Variants in RPRD2 observed in about 807,000 individuals in gnomAD.
RPRD2 encodes the protein regulation of nuclear pre-mRNA domain-containing protein 2.
RPRD2 carries 12 observed loss-of-function variants against 104.4 expected under a neutral mutation model. The ratio of observed to expected loss-of-function variants is 0.11; its 90% CI spans 0.07 to 0.19. RPRD2 has a LOEUF of 0.19. Among genes scored for constraint, RPRD2 ranks in the 10% least tolerant of loss-of-function variants. The probability of loss-of-function intolerance (pLI) is 1.00; values close to 1 mark genes in which losing one functional copy is unlikely to be tolerated. For synonymous variants in RPRD2, 714 were observed against 684.9 expected (o/e 1.04, Z -0.66); for missense variants, 1,543 against 1,790.1 (o/e 0.86, Z 2.49).
intron 9 of RPRD2, among the ~76,000 whole-genome samples, chr1:150,462,370 A>G (rs1400386509): frequency 6.6e-6 from 1 of 151,704 alleles, no homozygotes; most frequent in Non-Finnish European, 1.5e-5. Context: ...ATTTGAACCC[A>G]GAAGGCAGAG....
At chr1:150,417,490 A>G (rs75596396) in intron 1 of RPRD2, 106 bp from the exon 2 acceptor site, 1 of 774,220 alleles carries the variant, frequency 1.3e-6, no homozygotes, top group East Asian at 3.0e-5. Context: ...CCATGTAAGA[A>G]AAAAAAAATA....
rs749819615 is a variant in RPRD2 at position 150,471,278 on chromosome 1, G to GCTA, written c.2332_2334dup (p.Tyr778dup). Reference sequence around the variant, plus strand: ...TCACCACCCCCTGGGAGAGATGAAAGCTACCCCCGAGAGCTCTCCAATTCT... The same window carrying GCTA: ...TCACCACCCCCTGGGAGAGATGAAAGCTACTACCCCCGAGAGCTCTCCAATTCT... On this transcript the variant is annotated inframe_insertion, in exon 11 of 11. Coordinates refer to ENST00000369068, the MANE Select transcript of RPRD2 (RefSeq NM_015203.5). This position sits in a 1 kb window ranked among gnomAD's most constrained non-coding sequence, Gnocchi z 5.3. 6.2e-7 allele frequency: 1 copy of GCTA among 1,613,522 alleles called. No individual in the cohort carries two copies. The highest frequency in any genetic ancestry group is 1.3e-5 in the African/African-American group (1 of 74,784).
chr1:150,413,741 C>T (rs1664114033), intron 1 of RPRD2, among the ~76,000 whole-genome samples: 1 of 151,780 alleles, frequency 6.6e-6, no homozygotes, highest in South Asian at 2.1e-4. Context: ...GCCTGACCAA[C>T]ATAGAGAAAC....
chr1:150,446,833 C>CTTGTT (rs1666806932), intron 7 of RPRD2, among the ~76,000 whole-genome samples: 1 of 127,512 alleles, frequency 7.8e-6, no homozygotes, highest in Non-Finnish European at 1.6e-5. Context: ...AGACCTGGGT[C>CTTGTT]TTTTTTTTTT....
chr1:150,449,144 G>C (rs893550231), intron 7 of RPRD2, among the ~76,000 whole-genome samples: 1 of 152,132 alleles, frequency 6.6e-6, no homozygotes, highest in African/African-American at 2.4e-5. Context: ...AAATGTCTTA[G>C]ATCATTGATT....
At position 150,383,360 on chromosome 1, in the gene RPRD2, A is replaced by AGTGCAGT. The variant is rs200643993; in HGVS notation, c.205+18443_205+18449dup. Among the ~76,000 whole-genome samples the AGTGCAGT allele has an allele frequency of 1.5e-3, 193 of 126,160 alleles. 6 individuals are homozygous for AGTGCAGT. In the East Asian group the frequency reaches 0.041, roughly 27 times the overall value. 82.8% of individuals were successfully genotyped at this position (126,160 alleles called of 152,430 possible). A position where few individuals can be genotyped will look rare whatever the true frequency, so the allele number is the denominator to read the frequency against. On this transcript the variant is annotated intron_variant, in intron 1 of 10. Transcript: ENST00000369068. ...AGTCTTGCTCTGTTGCCTAGGCTGGAGTGCAGTGCAGTGGCGCAATCTTGG... is the reference window on the plus strand; with the variant it reads ...AGTCTTGCTCTGTTGCCTAGGCTGGAGTGCAGTGTGCAGTGCAGTGGCGCAATCTTGG...
At chr1:150,447,729 A>AT (rs1416121805) in intron 7 of RPRD2, among the ~76,000 whole-genome samples, 2 of 152,018 alleles carry the variant, frequency 1.3e-5, no homozygotes, top group Non-Finnish European at 2.9e-5. Flanking sequence ...TCCATAATGA[A>AT]TTTTTTTTAA....
chr1:150,417,795 T>G (rs922169487), intron 2 of RPRD2, 70 bp downstream of exon 2: 24 of 1,212,084 alleles, frequency 2.0e-5, no homozygotes, highest in Non-Finnish European at 2.5e-5. Context: ...CTTAACCCAT[T>G]AAGAACTGTA....
At chr1:150,442,216 T>C (rs1459657035) in intron 4 of RPRD2, among the ~76,000 whole-genome samples, 3 of 151,396 alleles carry the variant, frequency 2.0e-5, no homozygotes, top group Non-Finnish European at 2.9e-5. Flanking sequence ...CAAGAGTAGT[T>C]GGGGGATTGC....
At position 150,364,163 on chromosome 1, in the gene RPRD2, T is replaced by G. The variant is rs1239185490; in HGVS notation, c.-552T>G. Reference sequence around the variant, plus strand: ...GTGCGCGATACTGTTGCTGCCCCTTTGCTGCTATTGCGTTGCAAAAAAAAT... The same window carrying G: ...GTGCGCGATACTGTTGCTGCCCCTTGGCTGCTATTGCGTTGCAAAAAAAAT... On this transcript the variant is annotated 5_prime_UTR_variant, in exon 1 of 11. Transcript: ENST00000369068. Among the ~76,000 whole-genome samples the G allele has an allele frequency of 6.6e-6, 1 of 152,184 alleles. No individual in the cohort carries two copies. Among genetic ancestry groups the G allele is most frequent in the Non-Finnish European group, 1.5e-5 (1 of 68,030 alleles).
rs1335938347 is a variant in RPRD2 at position 150,476,474 on chromosome 1, GA to G, written c.*3144del. 6.6e-6 allele frequency: 1 copy of G among 152,152 alleles called. No individual in the cohort carries two copies. Among genetic ancestry groups the G allele is most frequent in the Non-Finnish European group, 1.5e-5 (1 of 68,034 alleles). 9.4% of individuals were successfully genotyped at this position (152,152 alleles called of 1,614,324 possible). On this transcript the variant is annotated 3_prime_UTR_variant, in exon 11 of 11. Coordinates refer to ENST00000369068, the MANE Select transcript of RPRD2 (RefSeq NM_015203.5). ...TTGATATTCTCACGTGTTCGGTGTGGAAAACAAAACAAGTACATGCTTTAGA... is the reference window on the plus strand; with the variant it reads ...TTGATATTCTCACGTGTTCGGTGTGGAAACAAAACAAGTACATGCTTTAGA...
intron 1 of RPRD2, among the ~76,000 whole-genome samples, chr1:150,394,539 G>C (rs1364807208): frequency 2.0e-5 from 3 of 152,112 alleles, no homozygotes; most frequent in African/African-American, 7.2e-5. Flanking sequence ...GCTAAATGTA[G>C]GTAAAATATA....
chr1:150,368,559 G>T (rs1352942713), intron 1 of RPRD2, among the ~76,000 whole-genome samples: 2 of 151,222 alleles, frequency 1.3e-5, no homozygotes, highest in East Asian at 3.9e-4. Context: ...CGCCTCCCAG[G>T]TTCAAGTGAT....
intron 10 of RPRD2, among the ~76,000 whole-genome samples, chr1:150,466,543 CA>C (rs56756923): frequency 0.13 from 14,458 of 108,924 alleles, 929 homozygotes; most frequent in African/African-American, 0.22. Flanking sequence ...GACCCTGCCT[CA>C]AAAAAAAAAA....
chr1:150,462,513 G>C (rs1339337105), intron 9 of RPRD2, among the ~76,000 whole-genome samples: 1 of 151,524 alleles, frequency 6.6e-6, no homozygotes, highest in African/African-American at 2.4e-5. Flanking sequence ...CCTTTGCAAG[G>C]GTTAAGTATA....
At chr1:150,470,255 A>G (rs985554381) in intron 10 of RPRD2, among the ~76,000 whole-genome samples, 2 of 152,070 alleles carry the variant, frequency 1.3e-5, no homozygotes, top group East Asian at 3.9e-4. Context: ...TGCTTTGCCT[A>G]ACTTAAACTA....
Position 150,472,890 on chromosome 1 carries a change from G to C in RPRD2, c.3942G>C (p.Glu1314Asp). 6.2e-7 allele frequency: 1 copy of C among 1,613,322 alleles called. No homozygotes were observed. The highest frequency in any genetic ancestry group is 2.2e-5 in the East Asian group (1 of 44,866). ...CCTTCCCAGCCCCACCACTGGCAGA[G>C]CACGGAGTGGCAGGGGCTGTGGCAG... ...VVPFPAPPLA[E>D]HGVAGAVAVF... Residue 1314 changes from glutamate (E) to aspartate (D), a missense_variant, in exon 11 of 11, where the codon GAG becomes GAC. Glu to Asp is a conservative substitution (Grantham distance 45). Coordinates refer to ENST00000369068, the MANE Select transcript of RPRD2 (RefSeq NM_015203.5).
chr1:150,464,171 G>A lies in RPRD2; in HGVS notation c.1412-356G>A, dbSNP rs1234376037. On this transcript the variant is annotated intron_variant, in intron 9 of 10. Transcript: ENST00000369068. ...ATTACAGGCGCCTGCCACCATACCC[G>A]GCTAATTTTTTATTTTTGGTAGGGA... Among the ~76,000 whole-genome samples, 9 of 151,836 alleles carry A rather than the reference G, an allele frequency of 5.9e-5. No individual in the cohort carries two copies. The East Asian group carries it at 9.6e-4, about 16-fold the overall frequency.
chr1:150,385,696 T>C (rs1219251283), intron 1 of RPRD2, among the ~76,000 whole-genome samples: 1 of 152,224 alleles, frequency 6.6e-6, no homozygotes, highest in East Asian at 1.9e-4. Flanking sequence ...GCTGGTTAGG[T>C]TGGACTTCAG....
Sources: gnomAD v4.1 joint callset for allele counts (sites outside exome capture counted in the v4.1 genomes callset) on GRCh38, gnomAD v4.1.1 for gene constraint, Gnocchi (gnomAD v3.1) non-coding constraint, MANE v1.5 for transcripts, NCBI Gene and HGNC (gene_info 2026-07-23, HGNC 2026-07-21) for gene names.